VWA3B: variants seen among roughly 807,000 people sequenced by gnomAD.
VWA3B encodes von Willebrand factor A domain containing 3B, also known as von Willebrand factor A domain-containing protein 3B.
Under a neutral mutation model 158.3 loss-of-function variants are expected in VWA3B, and 138 were observed. The ratio of observed to expected loss-of-function variants is 0.87; its 90% confidence interval spans 0.76 to 1.00. The LOEUF (loss-of-function observed/expected upper bound fraction) is 1.00, where lower values mean the gene tolerates loss of function less well. VWA3B is among the 50% of genes least tolerant of loss of function. The pLI, the probability that VWA3B is intolerant of heterozygous loss-of-function variation, is 0.00. For missense variants in VWA3B, 1,555 were observed against 1,565.1 expected (o/e 0.99, Z 0.11); for synonymous variants, 596 against 587.3 (o/e 1.01, Z -0.21).
At chr2:98,235,229 G>C (rs555352158) in intron 17 of VWA3B, among the ~76,000 whole-genome samples, 1 of 152,014 alleles carries the variant, frequency 6.6e-6, no homozygotes, top group Non-Finnish European at 1.5e-5. Flanking sequence ...GTTTTGAAAC[G>C]TTTGATGCCT....
chr2:98,316,932 G>A (rs968378600), downstream of VWA3B, among the ~76,000 whole-genome samples: 1 of 152,120 alleles, frequency 6.6e-6, no homozygotes, highest in Admixed American at 6.5e-5. Context: ...CATGCTTCCT[G>A]TACATCCTGC....
In VWA3B at chr2:98,189,021, C is replaced by T. The variant is rs189716216; in HGVS notation, c.1466+892C>T. On this transcript the variant is annotated intron_variant, in intron 10 of 27. Coordinates refer to ENST00000477737, the MANE Select transcript of VWA3B (RefSeq NM_144992.5). ...TTCTGTACTCTTTAGCTGCCTCTCA[C>T]AGATTTTGATATATTGTATTTCATT... 2.6e-3 allele frequency among the ~76,000 whole-genome samples: 394 copies of T among 152,338 alleles called. 1 individual carries two copies. Among genetic ancestry groups the T allele is most frequent in the African/African-American group, 8.0e-3 (333 of 41,568 alleles).
chr2:98,093,401 T>G, intron 2 of VWA3B, 113 bp downstream of exon 2: 2 of 1,063,240 alleles, frequency 1.9e-6, no homozygotes, highest in Non-Finnish European at 2.8e-6. Context: ...TGCTTTGATC[T>G]TATATCCCTA....
chr2:98,230,249 T>C (rs886205214), intron 16 of VWA3B, 42 bp downstream of exon 16: 4 of 1,480,774 alleles, frequency 2.7e-6, no homozygotes, highest in East Asian at 4.8e-5. Context: ...CTGGTTTCTC[T>C]TCAAGGCAAG....
rs367860552 is a variant in VWA3B, at chr2:98,304,916, A to G, written c.3521+1114A>G. On this transcript the variant is annotated intron_variant, in intron 26 of 27. Coordinates refer to ENST00000477737, the MANE Select transcript of VWA3B (RefSeq NM_144992.5). ...TCCCTGCCCTTCACTGCCGGTCTCC[A>G]TGCGTCATCGGATAGACTCAACGTC... Among the ~76,000 whole-genome samples, 53 of 152,150 alleles carry G rather than the reference A, an allele frequency of 3.5e-4. No individual in the cohort carries two copies. In the East Asian group the frequency reaches 5.2e-3, roughly 15 times the overall value.
intron 21 of VWA3B, among the ~76,000 whole-genome samples, chr2:98,262,346 A>C (rs1362537932): frequency 6.6e-6 from 1 of 151,862 alleles, no homozygotes; most frequent in African/African-American, 2.4e-5. Flanking sequence ...GTCATATCCA[A>C]AAAAGCTTGC....
chr2:98,225,811 G>A (rs1333516573), intron 14 of VWA3B, among the ~76,000 whole-genome samples: 1 of 151,932 alleles, frequency 6.6e-6, no homozygotes, highest in African/African-American at 2.4e-5. Flanking sequence ...ATGTGGAAGT[G>A]AAAATTAAAT....
At chr2:98,144,345 T>A (rs1451744152) in intron 7 of VWA3B, among the ~76,000 whole-genome samples, 2 of 152,086 alleles carry the variant, frequency 1.3e-5, no homozygotes. Context: ...AAAAACTAAG[T>A]CTTATTATCT....
At chr2:98,309,814 G>A (rs1295831662) in intron 26 of VWA3B, among the ~76,000 whole-genome samples, 1 of 152,200 alleles carries the variant, frequency 6.6e-6, no homozygotes, top group African/African-American at 2.4e-5. Flanking sequence ...TTAAGCCTCT[G>A]TATGTCATTA....
At position 98,214,966 on chromosome 2, in the gene VWA3B, G is replaced by A. The variant is rs937768906; in HGVS notation, c.1837-2880G>A. On this transcript the variant is annotated intron_variant, in intron 13 of 27. Transcript: ENST00000477737. ...AGAGGATGTCACAAGCAACATTCCC[G>A]CAAGCAGGGTATTGACAAGAATTCT... Among the ~76,000 whole-genome samples the A allele has an allele frequency of 9.9e-5, 15 of 152,240 alleles. No individual in the cohort carries two copies. In the East Asian group the frequency reaches 1.2e-3, roughly 12 times the overall value.
rs1161611522 is a variant in VWA3B, at chr2:98,228,300, G to C, written c.2118G>C (p.Trp706Cys). ...ATTCTGAGTCCTTGATCATGGACTG[G>C]TGGTACAATGCAGAAAAGGATGGAG... ...DLYSESLIMD[W>C]WYNAEKDGDS... is the part of the protein sequence containing the mutation. Residue 706 changes from tryptophan to cysteine, a missense_variant, in exon 15 of 28, where the codon TGG becomes TGC. Coordinates refer to ENST00000477737, the MANE Select transcript of VWA3B (RefSeq NM_144992.5). The C allele has an allele frequency of 3.7e-6, 6 of 1,614,016 alleles. No homozygotes were observed. The highest frequency in any genetic ancestry group is 5.1e-6 in the Non-Finnish European group (6 of 1,179,956).
At chr2:98,122,374 G>A (rs1675034635) in intron 5 of VWA3B, among the ~76,000 whole-genome samples, 1 of 152,226 alleles carries the variant, frequency 6.6e-6, no homozygotes, top group East Asian at 1.9e-4. Flanking sequence ...GTTGGAGAAA[G>A]AAGCCACGTG....
At chr2:98,151,982 G>A (rs1395758353) in intron 7 of VWA3B, among the ~76,000 whole-genome samples, 1 of 152,250 alleles carries the variant, frequency 6.6e-6, no homozygotes, top group Non-Finnish European at 1.5e-5. Flanking sequence ...GGTCATGGTA[G>A]TAACCAGTTT....
the VWA3B span, among the ~76,000 whole-genome samples, chr2:98,319,587 AACT>A: frequency 1.3e-5 from 2 of 152,194 alleles, no homozygotes; most frequent in Non-Finnish European, 2.9e-5. Flanking sequence ...AACAAATTAA[AACT>A]AGACTTAGGC....
chr2:98,146,556 C>G (rs1677189989), intron 7 of VWA3B, among the ~76,000 whole-genome samples: 1 of 152,172 alleles, frequency 6.6e-6, no homozygotes, highest in African/African-American at 2.4e-5. Flanking sequence ...GTTCTAGCAT[C>G]CAGGTTGCCA....
At chr2:98,153,533 C>T (rs1677810915) in intron 7 of VWA3B, among the ~76,000 whole-genome samples, 1 of 152,174 alleles carries the variant, frequency 6.6e-6, no homozygotes, top group Non-Finnish European at 1.5e-5. Context: ...GAAAAAATAA[C>T]CAAGTCATGT....
At chr2:98,090,415 C>T (rs1276071286) in intron 1 of VWA3B, among the ~76,000 whole-genome samples, 1 of 152,170 alleles carries the variant, frequency 6.6e-6, no homozygotes, top group Non-Finnish European at 1.5e-5. Flanking sequence ...ATAGCTGTTT[C>T]CAACATATAA....
chr2:98,314,269 C>A (rs1434594071), downstream of VWA3B, among the ~76,000 whole-genome samples: 1 of 152,206 alleles, frequency 6.6e-6, no homozygotes, highest in Non-Finnish European at 1.5e-5. Flanking sequence ...AGAAAGCTCG[C>A]TGGAGACCTG....
Position 98,270,788 on chromosome 2 carries a change from G to C in VWA3B, c.2950G>C (p.Glu984Gln), listed in dbSNP as rs760972453. 1.2e-6 allele frequency: 2 copies of C among 1,614,122 alleles called. No homozygotes were observed. Among genetic ancestry groups the C allele is most frequent in the Non-Finnish European group, 1.7e-6 (2 of 1,179,982 alleles). The change falls in exon 22 of 28, where the codon GAA becomes CAA. Residue 984 changes from glutamate to glutamine, a missense_variant. Transcript: ENST00000477737. ...TTCACTGAAAGAGCTGTCGATGCTG[G>C]AAAGTGAAATCCTAGCTGGGAAAAT... ...PISLKELSMLESEILAGKMYI... is the reference protein window; with the variant it reads ...PISLKELSMLQSEILAGKMYI...
Sources: allele counts gnomAD v4.1 joint callset (sites outside exome capture counted in the v4.1 genomes callset), GRCh38; gene constraint gnomAD v4.1.1; transcripts MANE v1.5; gene names NCBI Gene and HGNC (gene_info 2026-07-23, HGNC 2026-07-21).